CLSTN2: variants seen among roughly 807,000 people sequenced by gnomAD.
CLSTN2 encodes calsyntenin 2.
A neutral mutation model predicts 101.2 loss-of-function variants in CLSTN2; 48 were observed. The observed-to-expected ratio is 0.47, with a 90% CI of 0.38 to 0.60. The LOEUF is 0.60. Among genes scored for constraint, CLSTN2 ranks in the 20% least tolerant of loss-of-function variants. The probability of loss-of-function intolerance (pLI) is 0.00; values close to 1 mark genes in which losing one functional copy is unlikely to be tolerated. For synonymous variants in CLSTN2, 481 were observed against 463.6 expected (o/e 1.04, Z -0.48); for missense variants, 1,160 against 1,238.2 (o/e 0.94, Z 0.95).
intron 1 of CLSTN2, among the ~76,000 whole-genome samples, chr3:140,153,682 G>A (rs2009905071): frequency 6.6e-6 from 1 of 152,224 alleles, no homozygotes; most frequent in South Asian, 2.1e-4. Flanking sequence ...AAGGGCCTTG[G>A]GACTTCTCAA....
chr3:140,476,010 G>A (rs868135906), intron 8 of CLSTN2, among the ~76,000 whole-genome samples: 2 of 152,212 alleles, frequency 1.3e-5, no homozygotes, highest in Non-Finnish European at 2.9e-5. Flanking sequence ...CCTGATGGAA[G>A]CAGCAGGAGC....
chr3:140,418,513 C>CTT (rs1051422077), intron 4 of CLSTN2, among the ~76,000 whole-genome samples: 36 of 42,104 alleles, frequency 8.6e-4, no homozygotes, highest in African/African-American at 2.9e-3. Context: ...TTCTTTCTTT[C>CTT]TTTCTTTTTT....
chr3:140,366,041 G>A (rs917403964), intron 2 of CLSTN2, among the ~76,000 whole-genome samples: 1 of 152,194 alleles, frequency 6.6e-6, no homozygotes, highest in African/African-American at 2.4e-5. Flanking sequence ...CTACTAGCTG[G>A]CCAAGGACAA....
At chr3:140,407,127 G>A (rs1310799918) in intron 4 of CLSTN2, among the ~76,000 whole-genome samples, 2 of 152,190 alleles carry the variant, frequency 1.3e-5, no homozygotes, top group Non-Finnish European at 2.9e-5. Context: ...GGACCTAGGG[G>A]CAGACACAGA....
chr3:140,189,103 A>G (rs181872094), intron 2 of CLSTN2, among the ~76,000 whole-genome samples: 1 of 152,262 alleles, frequency 6.6e-6, no homozygotes, highest in East Asian at 1.9e-4. Context: ...CTATATGAAT[A>G]GTCTGTCCTT....
At chr3:140,368,360 G>A (rs1482611014) in intron 2 of CLSTN2, among the ~76,000 whole-genome samples, 1 of 152,138 alleles carries the variant, frequency 6.6e-6, no homozygotes, top group Admixed American at 6.5e-5. Flanking sequence ...AGAGCTCAGA[G>A]GAAGAAAAGG....
chr3:140,446,980 G>A (rs1933095731), intron 5 of CLSTN2, among the ~76,000 whole-genome samples: 2 of 152,106 alleles, frequency 1.3e-5, no homozygotes, highest in Non-Finnish European at 1.5e-5. Context: ...AACAAACCCT[G>A]AACAAATGGT....
chr3:140,556,481 T>A, intron 10 of CLSTN2, 32 bp from the exon 11 acceptor site: 1 of 1,612,270 alleles, frequency 6.2e-7, no homozygotes, highest in Non-Finnish European at 8.5e-7. Flanking sequence ...CACTGACCAT[T>A]CTCTTCCATG....
intron 2 of CLSTN2, among the ~76,000 whole-genome samples, chr3:140,368,114 A>G (rs1232358680): frequency 6.6e-6 from 1 of 152,202 alleles, no homozygotes; most frequent in Non-Finnish European, 1.5e-5. Context: ...ATCACTGTGC[A>G]CAGGGAGTGC....
At chr3:140,376,839 T>C (rs2087923105) in intron 2 of CLSTN2, among the ~76,000 whole-genome samples, 1 of 152,234 alleles carries the variant, frequency 6.6e-6, no homozygotes, top group Non-Finnish European at 1.5e-5. Flanking sequence ...ATTGTTCTTC[T>C]ATCAGTTTGT....
At chr3:140,234,008 G>A (rs2086393969) in intron 2 of CLSTN2, among the ~76,000 whole-genome samples, 1 of 152,176 alleles carries the variant, frequency 6.6e-6, no homozygotes, top group South Asian at 2.1e-4. Flanking sequence ...GGCTTGCAAA[G>A]CTTAAAATAT....
chr3:139,975,633 T>TG lies in CLSTN2; in HGVS notation c.109+40153dup, dbSNP rs1215159344. ...ATGTGAAGATAGGAATGAAACAACT[T>TG]GGGCTTCTTGAAACACAACTTCATG... On this transcript the variant is annotated intron_variant, in intron 1 of 16. Transcript: ENST00000458420. Among the ~76,000 whole-genome samples, 6 of 152,152 alleles carry TG rather than the reference T, an allele frequency of 3.9e-5. No homozygotes were observed. In the East Asian group the frequency reaches 1.2e-3, roughly 29 times the overall value.
At chr3:140,372,883 A>G (rs1268576473) in intron 2 of CLSTN2, among the ~76,000 whole-genome samples, 1 of 152,202 alleles carries the variant, frequency 6.6e-6, no homozygotes, top group African/African-American at 2.4e-5. Flanking sequence ...ACTGGATGAC[A>G]TAGAGAAACC....
At chr3:140,180,512 G>A (rs1475925426) in intron 2 of CLSTN2, among the ~76,000 whole-genome samples, 2 of 152,124 alleles carry the variant, frequency 1.3e-5, no homozygotes, top group Admixed American at 6.5e-5. Flanking sequence ...TGAAAATGCT[G>A]TCCGCTGCAT....
intron 2 of CLSTN2, among the ~76,000 whole-genome samples, chr3:140,239,021 G>C (rs2086438518): frequency 6.6e-6 from 1 of 152,130 alleles, no homozygotes; most frequent in Admixed American, 6.5e-5. Flanking sequence ...AGTGACACAT[G>C]GAAATAATAT....
chr3:140,083,501 C>A (rs904315489), intron 1 of CLSTN2, among the ~76,000 whole-genome samples: 4 of 152,238 alleles, frequency 2.6e-5, no homozygotes, highest in Non-Finnish European at 5.9e-5. Context: ...TCTTCCCGAG[C>A]AGCAAGTTCT....
chr3:139,941,933 C>T (rs1935138726), intron 1 of CLSTN2, among the ~76,000 whole-genome samples: 1 of 152,156 alleles, frequency 6.6e-6, no homozygotes, highest in Non-Finnish European at 1.5e-5. Flanking sequence ...GGTAAATCTA[C>T]AATCTTATTT....
At chr3:140,137,472 C>T (rs143625191) in intron 1 of CLSTN2, among the ~76,000 whole-genome samples, 5 of 152,100 alleles carry the variant, frequency 3.3e-5, no homozygotes, top group Non-Finnish European at 7.3e-5. Flanking sequence ...TCGCTCTGTG[C>T]TTATTTCCCA....
chr3:140,337,624 A>G (rs1021683971), intron 2 of CLSTN2, among the ~76,000 whole-genome samples: 5 of 152,158 alleles, frequency 3.3e-5, no homozygotes, highest in Non-Finnish European at 7.4e-5. Flanking sequence ...CTGAATCCGC[A>G]TGGGAGGAAG....
Sources: gnomAD v4.1 joint callset for allele counts (sites outside exome capture counted in the v4.1 genomes callset) on GRCh38, gnomAD v4.1.1 for gene constraint, MANE v1.5 for transcripts, NCBI Gene and HGNC (gene_info 2026-07-23, HGNC 2026-07-21) for gene names.